The following HDAC4 variants were observed in gnomAD, a reference collection of about 807,000 sequenced individuals.
The protein encoded by HDAC4 is histone deacetylase 4, also known as histone deacetylase A.
Under a neutral mutation model 135.1 loss-of-function variants are expected in HDAC4, and 16 were observed. That is an observed-to-expected ratio of 0.12 (90% CI 0.08 to 0.18). The LOEUF (loss-of-function observed/expected upper bound fraction) is 0.18. Ranked by LOEUF, HDAC4 falls within the 10% of genes least tolerant of loss-of-function variation. The pLI, the probability that HDAC4 is intolerant of heterozygous loss-of-function variation, is 1.00. For synonymous variants in HDAC4, 685 were observed against 653.4 expected, an observed-to-expected ratio of 1.05 and a Z score of -0.74; for missense variants, 1,143 against 1,511.8, an observed-to-expected ratio of 0.76 and a Z score of 4.05.
chr2:239,108,214 G>A lies in HDAC4; in HGVS notation c.1979-31C>T, dbSNP rs377390854. On this transcript the variant is annotated intron_variant, in intron 14 of 26. Coordinates refer to ENST00000543185, the MANE Select transcript of HDAC4 (RefSeq NM_001378414.1). ...GCGGGGCAGAGGGGCCAAGATCAGC[G>A]CACATCCAGGGGCGAGCCGACCACC... 71 of 1,579,276 alleles carry A rather than the reference G, an allele frequency of 4.5e-5. No homozygotes were observed. The Middle Eastern group carries it at 6.5e-4, about 14-fold the overall frequency.
intron 2 of HDAC4, among the ~76,000 whole-genome samples, chr2:239,347,735 G>A (rs1406900378): frequency 1.7e-4 from 26 of 152,078 alleles, no homozygotes. Context: ...GGCTGATCGC[G>A]AACTCCTGAC....
chr2:239,079,046 C>T (rs1028047433), intron 22 of HDAC4, among the ~76,000 whole-genome samples: 1 of 152,202 alleles, frequency 6.6e-6, no homozygotes, highest in Non-Finnish European at 1.5e-5. Flanking sequence ...CTTATGGTGG[C>T]CAGAGACTTT....
chr2:239,323,764 C>T lies in HDAC4; in HGVS notation c.22+28914G>A, dbSNP rs111978064. Among the ~76,000 whole-genome samples the T allele has an allele frequency of 3.9e-3, 593 of 152,214 alleles. 4 individuals are homozygous for T. The highest frequency in any genetic ancestry group is 0.014 in the African/African-American group (572 of 41,532). ...AGAGCTCAAAAAGCATCCCCTGTCACGGGGCCCCGGGGCAGCCAATCACAC... is the reference window on the plus strand; with the variant it reads ...AGAGCTCAAAAAGCATCCCCTGTCATGGGGCCCCGGGGCAGCCAATCACAC... On this transcript the variant is annotated intron_variant, in intron 2 of 26. Coordinates refer to ENST00000543185, the MANE Select transcript of HDAC4 (RefSeq NM_001378414.1).
chr2:239,092,769 T>C (rs2036635650), intron 17 of HDAC4, among the ~76,000 whole-genome samples: 2 of 151,948 alleles, frequency 1.3e-5, no homozygotes, highest in Admixed American at 1.3e-4. Flanking sequence ...GCGCCACCAC[T>C]GAGCAATAGC....
intron 2 of HDAC4, among the ~76,000 whole-genome samples, chr2:239,315,554 C>T (rs545507478): frequency 6.6e-6 from 1 of 152,128 alleles, no homozygotes; most frequent in Non-Finnish European, 1.5e-5. Context: ...ACGACAGACA[C>T]CATCAACCCG....
At chr2:239,357,419 A>C (rs2125940695) in intron 1 of HDAC4, among the ~76,000 whole-genome samples, 1 of 151,520 alleles carries the variant, frequency 6.6e-6, no homozygotes, top group Non-Finnish European at 1.5e-5. Context: ...TCACCTTAAA[A>C]AATTAGAAAA....
chr2:239,112,277 T>C (rs1367578109), intron 13 of HDAC4, among the ~76,000 whole-genome samples: 1 of 152,184 alleles, frequency 6.6e-6, no homozygotes, highest in Non-Finnish European at 1.5e-5. Context: ...CCCAACCCCC[T>C]TGTTGGGTTT....
At chr2:239,226,752 C>T (rs554892906) in intron 3 of HDAC4, among the ~76,000 whole-genome samples, 12 of 152,304 alleles carry the variant, frequency 7.9e-5, no homozygotes, top group East Asian at 1.9e-4. Context: ...TCAGGCACTG[C>T]GGACAGGGAA....
intron 2 of HDAC4, among the ~76,000 whole-genome samples, chr2:239,239,178 A>G (rs1273010636): frequency 6.6e-6 from 1 of 152,138 alleles, no homozygotes; most frequent in Non-Finnish European, 1.5e-5. Flanking sequence ...GGCTGCCCCC[A>G]TTTCAGACAC....
rs372688774 is a variant in HDAC4 at position 239,054,560 on chromosome 2, CG to C, written c.3088+188del. Among the ~76,000 whole-genome samples, 419 of 152,210 alleles carry C rather than the reference CG, an allele frequency of 2.8e-3. 3 individuals are homozygous for C. The highest frequency in any genetic ancestry group is 9.7e-3 in the African/African-American group (401 of 41,540). ...CCCAGCAGGCCGGGGGAAATCCAGT[CG>C]GGGTTAAATGTGAGTCTCTACCAGC... On this transcript the variant is annotated intron_variant, in intron 25 of 26. Transcript: ENST00000543185.
chr2:239,378,023 A>T lies in HDAC4; in HGVS notation c.-220+22955T>A, dbSNP rs1341031857. Among the ~76,000 whole-genome samples the T allele has an allele frequency of 3.9e-5, 6 of 152,226 alleles. No homozygotes were observed. The East Asian group carries it at 1.2e-3, about 29-fold the overall frequency. ...AATTATGGCCATTGTCCTCCAGGGG[A>T]GACGTCGCGTCCTGAGGCATCCCCT... is the stretch of plus-strand genomic sequence containing the variant. On this transcript the variant is annotated intron_variant, in intron 1 of 26. Transcript: ENST00000543185.
chr2:239,327,563 G>A (rs895518540), intron 2 of HDAC4, among the ~76,000 whole-genome samples: 1 of 152,186 alleles, frequency 6.6e-6, no homozygotes, highest in African/African-American at 2.4e-5. Flanking sequence ...TCATACCACA[G>A]TTTATGTGCA....
chr2:239,232,887 G>A (rs1418076299), intron 3 of HDAC4, among the ~76,000 whole-genome samples: 2 of 125,704 alleles, frequency 1.6e-5, no homozygotes, highest in African/African-American at 3.1e-5. Context: ...AGCCAAGGGT[G>A]GCCCTTCCCT....
chr2:239,229,968 A>G (rs2047446645), intron 3 of HDAC4, among the ~76,000 whole-genome samples: 1 of 152,174 alleles, frequency 6.6e-6, no homozygotes, highest in Non-Finnish European at 1.5e-5. Flanking sequence ...GCCACTCAAA[A>G]TAGGTGGAAG....
intron 2 of HDAC4, among the ~76,000 whole-genome samples, chr2:239,260,253 G>T (rs1003892271): frequency 1.3e-5 from 2 of 152,190 alleles, no homozygotes. Flanking sequence ...CAAAAGCATC[G>T]CATGGTGGGT....
At chr2:239,358,693 G>A (rs909275414) in intron 1 of HDAC4, among the ~76,000 whole-genome samples, 1 of 152,196 alleles carries the variant, frequency 6.6e-6, no homozygotes, top group African/African-American at 2.4e-5. Context: ...ACATCACAAG[G>A]TGTATTTTAG....
intron 2 of HDAC4, among the ~76,000 whole-genome samples, chr2:239,343,172 T>A (rs1281538473): frequency 6.6e-6 from 1 of 152,174 alleles, no homozygotes; most frequent in Non-Finnish European, 1.5e-5. Context: ...CTCAGTTGAT[T>A]TTTGTCTTAA....
rs200637786 is a variant in HDAC4 at position 239,236,701 on chromosome 2, G to A, written c.23-37C>T. 378 of 1,470,110 alleles carry A rather than the reference G, an allele frequency of 2.6e-4. 2 individuals are homozygous for A. In the African/African-American group the frequency reaches 3.7e-3, roughly 15 times the overall value. 91.1% of individuals were successfully genotyped at this position (1,470,110 alleles called of 1,614,324 possible). On this transcript the variant is annotated intron_variant, in intron 2 of 26. Coordinates refer to ENST00000543185, the MANE Select transcript of HDAC4 (RefSeq NM_001378414.1). ...AGAAGGCACTGGCTTCAGAAACTGC[G>A]CGCATTTCAGCCAACATACTTTATG...
intron 2 of HDAC4, among the ~76,000 whole-genome samples, chr2:239,256,713 C>G (rs2049070472): frequency 6.6e-6 from 1 of 152,240 alleles, no homozygotes; most frequent in Admixed American, 6.5e-5. Context: ...GGGCAGATGA[C>G]TGGATGAATA....
Sources: allele counts gnomAD v4.1 joint callset (sites outside exome capture counted in the v4.1 genomes callset), GRCh38; gene constraint gnomAD v4.1.1; transcripts MANE v1.5; gene names NCBI Gene and HGNC (gene_info 2026-07-23, HGNC 2026-07-21).